Variants in CACNA2D3 observed in about 807,000 individuals in gnomAD.
CACNA2D3 encodes the protein calcium voltage-gated channel auxiliary subunit alpha2delta 3.
Under a neutral mutation model 160.6 loss-of-function variants are expected in CACNA2D3, and 60 were observed. The observed-to-expected ratio is 0.37, with a 90% CI of 0.30 to 0.46. CACNA2D3 has a LOEUF of 0.46. CACNA2D3 is among the 20% of genes least tolerant of loss of function. The pLI is 1.00. For synonymous variants in CACNA2D3, 558 were observed against 492.9 expected (o/e 1.13, Z -1.75); for missense variants, 1,205 against 1,365.0 (o/e 0.88, Z 1.85).
At chr3:54,928,490 G>A (rs918694372) in intron 27 of CACNA2D3, among the ~76,000 whole-genome samples, 4 of 152,176 alleles carry the variant, frequency 2.6e-5, no homozygotes, top group African/African-American at 9.6e-5. Context: ...GGACAAATTG[G>A]CCTGCTGGAG....
intron 11 of CACNA2D3, among the ~76,000 whole-genome samples, chr3:54,726,244 G>A (rs756006005): frequency 2.6e-4 from 39 of 152,128 alleles, no homozygotes; most frequent in South Asian, 1.0e-3. Context: ...AAAAACCAGC[G>A]CTCAAGGAAA....
At chr3:54,637,136 G>A (rs1473836800) in intron 10 of CACNA2D3, among the ~76,000 whole-genome samples, 1 of 151,968 alleles carries the variant, frequency 6.6e-6, no homozygotes, top group Non-Finnish European at 1.5e-5. Flanking sequence ...TAAAATGGGG[G>A]AATTGTAAGG....
intron 17 of CACNA2D3, among the ~76,000 whole-genome samples, chr3:54,861,084 A>G (rs1699281740): frequency 6.6e-6 from 1 of 152,276 alleles, no homozygotes. Context: ...AACCTGAAAT[A>G]GTCTTTTTAC....
chr3:54,805,549 G>A (rs1424301054), intron 13 of CACNA2D3, among the ~76,000 whole-genome samples: 8 of 150,544 alleles, frequency 5.3e-5, no homozygotes, highest in South Asian at 2.1e-4. Flanking sequence ...CTGAAATTGT[G>A]GCAATAATCA....
At chr3:54,569,626 A>T (rs1310633717) in intron 6 of CACNA2D3, among the ~76,000 whole-genome samples, 169 bp from the exon 7 acceptor site, 1 of 152,224 alleles carries the variant, frequency 6.6e-6, no homozygotes, top group Admixed American at 6.5e-5. Flanking sequence ...GTTATGGCCC[A>T]ACAGCTCCTT....
At chr3:54,566,777 T>C (rs1386065780) in intron 6 of CACNA2D3, among the ~76,000 whole-genome samples, 2 of 152,184 alleles carry the variant, frequency 1.3e-5, no homozygotes, top group Non-Finnish European at 2.9e-5. Flanking sequence ...GATTGTCTTA[T>C]CCTTGCACTA....
intron 35 of CACNA2D3, among the ~76,000 whole-genome samples, chr3:55,029,017 A>G (rs1424541464): frequency 6.6e-6 from 1 of 152,180 alleles, no homozygotes; most frequent in Non-Finnish European, 1.5e-5. Context: ...ACCATAGTTC[A>G]GGGATTCCAT....
rs13316818 is a variant in CACNA2D3, at chr3:54,248,527, C to T, written c.205-71915C>T. 8.6e-3 allele frequency among the ~76,000 whole-genome samples: 1,299 copies of T among 151,004 alleles called. 20 individuals are homozygous for T. Among genetic ancestry groups the T allele is most frequent in the African/African-American group, 0.03 (1,243 of 41,148 alleles). ...AAGAAAAAGAAAAAAAAAGGTGGGG[C>T]CCTAATCCTAATCCAGTAGGACCGA... On this transcript the variant is annotated intron_variant, in intron 2 of 37. Transcript: ENST00000474759.
chr3:54,167,975 TC>T (rs904759712), intron 2 of CACNA2D3, among the ~76,000 whole-genome samples: 3 of 152,260 alleles, frequency 2.0e-5, no homozygotes, highest in African/African-American at 7.2e-5. Flanking sequence ...TCATTTTTTT[TC>T]CATAGCTTCC....
intron 13 of CACNA2D3, among the ~76,000 whole-genome samples, chr3:54,798,945 T>G (rs1056582234): frequency 1.3e-5 from 2 of 152,230 alleles, no homozygotes; most frequent in Non-Finnish European, 2.9e-5. Context: ...CTTCCTGCCT[T>G]CAAGTTATTG....
intron 11 of CACNA2D3, among the ~76,000 whole-genome samples, chr3:54,687,133 TTGTTTTTTTTTTTTTTTG>T (rs1559549429): frequency 1.5e-4 from 4 of 27,136 alleles, no homozygotes; most frequent in Non-Finnish European, 3.1e-4. Flanking sequence ...TTTTTTTTTT[TTGTTTTTTTTTTTTTTTG>T]TTTTTTTGAC....
intron 2 of CACNA2D3, among the ~76,000 whole-genome samples, chr3:54,292,492 A>G (rs945474725): frequency 6.6e-6 from 1 of 152,214 alleles, no homozygotes; most frequent in African/African-American, 2.4e-5. Context: ...AAAAGACAAC[A>G]CAATTTAAAA....
At chr3:54,176,948 T>C (rs956864653) in intron 2 of CACNA2D3, among the ~76,000 whole-genome samples, 3 of 152,164 alleles carry the variant, frequency 2.0e-5, no homozygotes, top group African/African-American at 7.2e-5. Context: ...TGGTTTCCAG[T>C]ATAGCCCCAT....
chr3:54,434,260 T>C (rs528353589), intron 4 of CACNA2D3, among the ~76,000 whole-genome samples: 1 of 152,324 alleles, frequency 6.6e-6, no homozygotes, highest in South Asian at 2.1e-4. Flanking sequence ...TGGTGAGCTG[T>C]GCTTACACTC....
chr3:54,138,073 G>A (rs1245994861), intron 2 of CACNA2D3, among the ~76,000 whole-genome samples: 1 of 152,194 alleles, frequency 6.6e-6, no homozygotes, highest in Non-Finnish European at 1.5e-5. Flanking sequence ...TGGGACAGGT[G>A]CTCTGATGGC....
At chr3:54,166,097 G>A (rs1296646998) in intron 2 of CACNA2D3, among the ~76,000 whole-genome samples, 3 of 152,194 alleles carry the variant, frequency 2.0e-5, no homozygotes, top group Non-Finnish European at 4.4e-5. Context: ...CACGAGGTGG[G>A]TGGAGGCTTT....
chr3:54,141,817 A>G (rs1288948694), intron 2 of CACNA2D3, among the ~76,000 whole-genome samples: 1 of 152,222 alleles, frequency 6.6e-6, no homozygotes, highest in Non-Finnish European at 1.5e-5. Flanking sequence ...TGATAATTTT[A>G]TCCATTCATT....
chr3:55,055,199 A>G (rs894940903), intron 35 of CACNA2D3, among the ~76,000 whole-genome samples: 1 of 152,054 alleles, frequency 6.6e-6, no homozygotes, highest in Non-Finnish European at 1.5e-5. Context: ...CTGGTGTTAC[A>G]TGTAAGTCTT....
chr3:54,452,064 C>T (rs1306852372), intron 4 of CACNA2D3, among the ~76,000 whole-genome samples: 1 of 152,154 alleles, frequency 6.6e-6, no homozygotes, highest in East Asian at 1.9e-4. Context: ...TTACTAGCGA[C>T]ATTCTGTTCA....
Sources: allele counts gnomAD v4.1 joint callset (sites outside exome capture counted in the v4.1 genomes callset), GRCh38; gene constraint gnomAD v4.1.1; transcripts MANE v1.5; gene names NCBI Gene and HGNC (gene_info 2026-07-23, HGNC 2026-07-21).